CNTNAP2: variants seen among roughly 807,000 people sequenced by gnomAD.
CNTNAP2 encodes contactin-associated protein-like 2.
A neutral mutation model predicts 155.2 loss-of-function variants in CNTNAP2; 98 were observed. That is an observed-to-expected ratio of 0.63 (90% CI 0.54 to 0.75). The LOEUF is 0.75. Among genes scored for constraint, CNTNAP2 ranks in the 30% least tolerant of loss-of-function variants. The pLI, the probability that CNTNAP2 is intolerant of heterozygous loss-of-function variation, is 0.00. For missense variants in CNTNAP2, 1,727 were observed against 1,688.1 expected (o/e 1.02, Z -0.40); for synonymous variants, 651 against 631.2 (o/e 1.03, Z -0.47).
chr7:147,386,667 C>A (rs1341987004), intron 9 of CNTNAP2, among the ~76,000 whole-genome samples: 1 of 152,156 alleles, frequency 6.6e-6, no homozygotes, highest in Non-Finnish European at 1.5e-5. Flanking sequence ...TTGGTCAAAG[C>A]CATTCAACAA....
intron 3 of CNTNAP2, among the ~76,000 whole-genome samples, chr7:147,008,842 G>A (rs995301183): frequency 6.6e-6 from 1 of 152,126 alleles, no homozygotes; most frequent in East Asian, 1.9e-4. Context: ...TGATAAAGTG[G>A]TTATTCTTTT....
intron 1 of CNTNAP2, among the ~76,000 whole-genome samples, chr7:146,565,852 T>C (rs906023620): frequency 6.6e-6 from 1 of 152,244 alleles, no homozygotes; most frequent in Non-Finnish European, 1.5e-5. Flanking sequence ...AAGGAAAAGA[T>C]AAACTCTCAT....
chr7:147,914,055 CA>C (rs529118198), intron 14 of CNTNAP2, among the ~76,000 whole-genome samples: 1,604 of 132,956 alleles, frequency 0.012, 14 homozygotes, highest in South Asian at 0.051. Flanking sequence ...TTGTAGCAGT[CA>C]AAAAAAAAAA....
chr7:146,634,800 T>G (rs80330245), intron 1 of CNTNAP2, among the ~76,000 whole-genome samples: 2,955 of 152,254 alleles, frequency 0.019, 52 homozygotes, highest in Middle Eastern at 0.075. Context: ...AAGAAAAAAA[T>G]AATTTCTTAA....
chr7:146,984,380 A>G (rs1798077044), intron 3 of CNTNAP2, among the ~76,000 whole-genome samples: 1 of 151,852 alleles, frequency 6.6e-6, no homozygotes. Context: ...AAAAAAAAAA[A>G]AAAAAAAGAT....
At chr7:147,832,021 T>A (rs1798554375) in intron 13 of CNTNAP2, 1 of 151,814 alleles carries the variant, frequency 6.6e-6, no homozygotes, top group South Asian at 2.1e-4. Context: ...TAAAAATAAG[T>A]TAACATTTTT....
At chr7:146,696,839 G>C (rs1044852153) in intron 1 of CNTNAP2, among the ~76,000 whole-genome samples, 2 of 151,658 alleles carry the variant, frequency 1.3e-5, no homozygotes, top group Non-Finnish European at 2.9e-5. Context: ...TTTTATTTTT[G>C]ACTTTGACTT....
At chr7:147,258,122 C>A (rs757140656) in intron 8 of CNTNAP2, among the ~76,000 whole-genome samples, 2 of 152,126 alleles carry the variant, frequency 1.3e-5, no homozygotes, top group Non-Finnish European at 2.9e-5. Flanking sequence ...ACAGGAAATG[C>A]AACCCTGTTG....
intron 1 of CNTNAP2, among the ~76,000 whole-genome samples, chr7:146,551,163 C>T (rs1205423914): frequency 2.0e-5 from 3 of 151,972 alleles, no homozygotes; most frequent in East Asian, 3.9e-4. Flanking sequence ...ATGTTTACAC[C>T]ATATAGTACG....
At chr7:146,702,074 T>C (rs1800887079) in intron 1 of CNTNAP2, among the ~76,000 whole-genome samples, 1 of 152,174 alleles carries the variant, frequency 6.6e-6, no homozygotes, top group Non-Finnish European at 1.5e-5. Flanking sequence ...TTTTTCTTCA[T>C]CATTGTGAGA....
At chr7:146,930,199 T>A (rs1162668226) in intron 3 of CNTNAP2, among the ~76,000 whole-genome samples, 1 of 152,124 alleles carries the variant, frequency 6.6e-6, no homozygotes, top group Non-Finnish European at 1.5e-5. Context: ...AAAGGTCGGG[T>A]TACCCTCAAA....
intron 3 of CNTNAP2, among the ~76,000 whole-genome samples, chr7:146,989,138 G>A (rs1401565771): frequency 6.6e-6 from 1 of 152,168 alleles, no homozygotes; most frequent in Non-Finnish European, 1.5e-5. Context: ...ATGGAGATAA[G>A]TATGCAGGAG....
At chr7:147,046,198 C>A (rs542595760) in intron 4 of CNTNAP2, among the ~76,000 whole-genome samples, 1 of 152,210 alleles carries the variant, frequency 6.6e-6, no homozygotes, top group South Asian at 2.1e-4. Flanking sequence ...AAATAAGCAC[C>A]CACCTGACCG....
chr7:147,737,655 G>A (rs1028186169), intron 13 of CNTNAP2, among the ~76,000 whole-genome samples: 6 of 152,216 alleles, frequency 3.9e-5, no homozygotes, highest in Admixed American at 2.6e-4. Context: ...TTGAGCTGCA[G>A]TGGGCTCCAC....
chr7:146,625,213 A>G (rs1563161954), intron 1 of CNTNAP2, among the ~76,000 whole-genome samples: 1 of 152,116 alleles, frequency 6.6e-6, no homozygotes, highest in East Asian at 1.9e-4. Flanking sequence ...AGGGAGCAGC[A>G]CATTATTAAT....
chr7:148,144,942 T>A (rs1805147814), intron 16 of CNTNAP2, among the ~76,000 whole-genome samples: 1 of 152,138 alleles, frequency 6.6e-6, no homozygotes, highest in African/African-American at 2.4e-5. Flanking sequence ...AGCCACAAAC[T>A]GAACTTAGAA....
intron 3 of CNTNAP2, among the ~76,000 whole-genome samples, chr7:146,852,523 C>G (rs895157404): frequency 2.6e-5 from 4 of 152,142 alleles, no homozygotes; most frequent in Non-Finnish European, 5.9e-5. Flanking sequence ...GTCCTACTTT[C>G]AAACTCCATA....
At chr7:147,880,542 CAGA>C (rs144822799) in intron 13 of CNTNAP2, among the ~76,000 whole-genome samples, 1,662 of 151,594 alleles carry the variant, frequency 0.011, 88 homozygotes, top group Admixed American at 0.091. Flanking sequence ...GCACAGAAAG[CAGA>C]AGAAGAGGGA....
chr7:147,025,445 A>G (rs1237595042), intron 3 of CNTNAP2, among the ~76,000 whole-genome samples: 1 of 6,172 alleles, frequency 1.6e-4, no homozygotes, highest in Non-Finnish European at 2.6e-4. Context: ...AGGGGAGGGG[A>G]GGGGAGGAGG....
Sources: allele counts gnomAD v4.1 joint callset (sites outside exome capture counted in the v4.1 genomes callset), GRCh38; gene constraint gnomAD v4.1.1; transcripts MANE v1.5; gene names NCBI Gene and HGNC (gene_info 2026-07-23, HGNC 2026-07-21).